MED30: variants seen among roughly 807,000 people sequenced by gnomAD.
MED30 encodes the protein mediator of RNA polymerase II transcription subunit 30.
Under a neutral mutation model 21.7 loss-of-function variants are expected in MED30, and 8 were observed. The ratio of observed to expected loss-of-function variants is 0.37; its 90% CI spans 0.22 to 0.67. The LOEUF (loss-of-function observed/expected upper bound fraction) is 0.67, where lower values mean the gene tolerates loss of function less well. Ranked by LOEUF, MED30 falls within the 30% of genes least tolerant of loss-of-function variation. The probability of loss-of-function intolerance (pLI) is 0.58; values close to 1 mark genes in which losing one functional copy is unlikely to be tolerated. For synonymous variants in MED30, 79 were observed against 86.7 expected (o/e 0.91, Z 0.49); for missense variants, 203 against 228.2 (o/e 0.89, Z 0.71).
At chr8:117,535,160 C>T (rs1470396252) in intron 3 of MED30, among the ~76,000 whole-genome samples, 1 of 150,862 alleles carries the variant, frequency 6.6e-6, no homozygotes, top group African/African-American at 2.4e-5. Context: ...AGCTCTGTGT[C>T]TCCATTCTAG....
At chr8:117,536,284 T>G (rs532754078) in intron 3 of MED30, among the ~76,000 whole-genome samples, 2 of 152,306 alleles carry the variant, frequency 1.3e-5, no homozygotes, top group South Asian at 4.1e-4. Context: ...ACAAAAGTAT[T>G]GTGCCATATT....
At position 117,530,732 on chromosome 8, in the gene MED30, C is replaced by G; in HGVS notation, c.346C>G (p.Pro116Ala). ...TGTTAATCATTCCCAGCAACTTATT[C>G]CATATGTGGAAGAAGATGGCTCAAA... ...MDPIPVEQLI[P>A]YVEEDGSKND... is the part of the protein sequence containing the mutation. Residue 116 changes from proline to alanine, a missense_variant, in exon 3 of 4, where the codon CCA (proline) becomes GCA (alanine). Coordinates refer to ENST00000297347, the MANE Select transcript of MED30 (RefSeq NM_080651.4). The G allele has an allele frequency of 6.2e-7, 1 of 1,609,614 alleles. No individual in the cohort carries two copies. The highest frequency in any genetic ancestry group is 8.5e-7 in the Non-Finnish European group (1 of 1,177,640).
At chr8:117,530,694 G>T (rs1331371821) in intron 2 of MED30, 29 bp from the exon 3 acceptor site, 2 of 1,519,066 alleles carry the variant, frequency 1.3e-6, no homozygotes, top group Non-Finnish European at 1.8e-6. Context: ...TTATATTTTT[G>T]CCTTTTAATT....
chr8:117,534,859 T>G (rs977475025), intron 3 of MED30, among the ~76,000 whole-genome samples: 11 of 150,818 alleles, frequency 7.3e-5, no homozygotes, highest in Non-Finnish European at 1.6e-4. Flanking sequence ...TGTTTTTTTT[T>G]TTTTTTTTTA....
chr8:117,525,955 C>G (rs890745246), intron 1 of MED30, among the ~76,000 whole-genome samples: 1 of 152,036 alleles, frequency 6.6e-6, no homozygotes, highest in Admixed American at 6.5e-5. Flanking sequence ...TAGGTCCGTT[C>G]GGCCTAGAAA....
At chr8:117,534,134 T>A (rs1818831915) in intron 3 of MED30, among the ~76,000 whole-genome samples, 1 of 152,048 alleles carries the variant, frequency 6.6e-6, no homozygotes, top group African/African-American at 2.4e-5. Context: ...CTGGTGCCTC[T>A]GAGATGGTCT....
chr8:117,529,288 A>G (rs965121416), intron 2 of MED30, among the ~76,000 whole-genome samples: 1 of 151,904 alleles, frequency 6.6e-6, no homozygotes, highest in Non-Finnish European at 1.5e-5. Context: ...ATACCTATTT[A>G]GTTAATTAGG....
At chr8:117,524,338 G>T (rs1167345915) in intron 1 of MED30, among the ~76,000 whole-genome samples, 1 of 152,114 alleles carries the variant, frequency 6.6e-6, no homozygotes, top group African/African-American at 2.4e-5. Flanking sequence ...TGATCTACGA[G>T]AGTAAAGTGC....
Position 117,520,927 on chromosome 8 carries a change from C to A in MED30, c.51C>A (p.Ala17=), listed in dbSNP as rs200450916. 1.2e-6 allele frequency: 2 copies of A among 1,610,794 alleles called. No individual in the cohort carries two copies. The highest frequency in any genetic ancestry group is 1.7e-5 in the Admixed American group (1 of 59,792). ...AASGMAPGPF[A]GPQAQQAARE... is the part of the protein sequence containing the mutation. ...CGGGGATGGCGCCCGGGCCCTTCGC[C>A]GGGCCCCAGGCTCAGCAGGCCGCCC... The change falls in exon 1 of 4, where the codon GCC becomes GCA. Residue 17 remains alanine, a synonymous_variant. Coordinates refer to ENST00000297347, the MANE Select transcript of MED30 (RefSeq NM_080651.4).
At chr8:117,525,551 T>C (rs1211631893) in intron 1 of MED30, among the ~76,000 whole-genome samples, 1 of 152,058 alleles carries the variant, frequency 6.6e-6, no homozygotes, top group Admixed American at 6.5e-5. Context: ...TTATGCCTAG[T>C]TAGAAAGGTC....
At chr8:117,523,892 A>G in intron 1 of MED30, 2 of 387,842 alleles carry the variant, frequency 5.2e-6, no homozygotes, top group Admixed American at 7.4e-5. Flanking sequence ...CTGTAATCCC[A>G]GCTACTCGGG....
At chr8:117,531,274 G>A (rs1030817714) in intron 3 of MED30, among the ~76,000 whole-genome samples, 1 of 151,950 alleles carries the variant, frequency 6.6e-6, no homozygotes, top group Non-Finnish European at 1.5e-5. Flanking sequence ...ATTTATCGCT[G>A]AATACTTTCA....
At chr8:117,521,284 C>T (rs1446017438) in intron 1 of MED30, among the ~76,000 whole-genome samples, 1 of 152,124 alleles carries the variant, frequency 6.6e-6, no homozygotes, top group Non-Finnish European at 1.5e-5. Context: ...TAGATTCAAT[C>T]GAGCTCTTTA....
chr8:117,534,993 AT>A (rs1354056799), intron 3 of MED30, among the ~76,000 whole-genome samples: 1 of 151,716 alleles, frequency 6.6e-6, no homozygotes, highest in Admixed American at 6.6e-5. Flanking sequence ...AGTTTTGTGG[AT>A]TTTAAGTAAA....
intron 1 of MED30, 82 bp from the exon 2 acceptor site, chr8:117,528,569 T>C: frequency 7.7e-7 from 1 of 1,290,808 alleles, no homozygotes; most frequent in African/African-American, 1.5e-5. Flanking sequence ...AAAAATTGTT[T>C]CTGTTTGTTG....
chr8:117,520,885 C>T lies in MED30; in HGVS notation c.9C>T (p.Thr3=), dbSNP rs1041827479. 2.5e-6 allele frequency: 4 copies of T among 1,598,452 alleles called. No homozygotes were observed. The highest frequency in any genetic ancestry group is 2.7e-5 in the African/African-American group (2 of 74,472). Residue 3 remains threonine (T), a synonymous_variant, in exon 1 of 4, where the codon ACC becomes ACT. Transcript: ENST00000297347. ...GAAGCTGCAGCCGCGCCATGTCCAC[C>T]CCTCCGTTGGCCGCGTCGGGGATGG... MS[T]PPLAASGMAP...
chr8:117,536,143 A>G (rs1282645874), intron 3 of MED30, among the ~76,000 whole-genome samples: 1 of 152,094 alleles, frequency 6.6e-6, no homozygotes, highest in African/African-American at 2.4e-5. Context: ...AAGCAGCTGG[A>G]TGTGTTGTCG....
intron 1 of MED30, among the ~76,000 whole-genome samples, chr8:117,523,021 A>G (rs1290663616): frequency 6.6e-6 from 1 of 152,144 alleles, no homozygotes; most frequent in Non-Finnish European, 1.5e-5. Context: ...AAATTACCCA[A>G]CATCACACAC....
chr8:117,539,810 T>C lies in MED30; in HGVS notation c.442-73T>C, dbSNP rs368085768. On this transcript the variant is annotated intron_variant, in intron 3 of 3. Transcript: ENST00000297347. ...TCTGTATCATTATAATCCTAACTTA[T>C]GATATTTTAATCTTCTAACTTCATG... The C allele has an allele frequency of 2.2e-5, 19 of 872,104 alleles. No homozygotes were observed. The East Asian group carries it at 3.2e-4, about 15-fold the overall frequency. 54.0% of individuals were successfully genotyped at this position (872,104 alleles called of 1,614,324 possible).
Sources: allele counts gnomAD v4.1 joint callset (sites outside exome capture counted in the v4.1 genomes callset), GRCh38; gene constraint gnomAD v4.1.1; transcripts MANE v1.5; gene names NCBI Gene and HGNC (gene_info 2026-07-23, HGNC 2026-07-21).